Variants in ALCAM observed in about 807,000 individuals in gnomAD.
The protein encoded by ALCAM is CD166 antigen.
A neutral mutation model predicts 70.9 loss-of-function variants in ALCAM; 30 were observed. The ratio of observed to expected loss-of-function variants is 0.42; its 90% CI spans 0.32 to 0.57. ALCAM has a LOEUF of 0.57. Ranked by LOEUF, ALCAM falls within the 20% of genes least tolerant of loss-of-function variation. The pLI, the probability that ALCAM is intolerant of heterozygous loss-of-function variation, is 0.11. For synonymous variants in ALCAM, 249 were observed against 242.5 expected (o/e 1.03, Z -0.25); for missense variants, 591 against 695.1 (o/e 0.85, Z 1.68).
chr3:105,418,820 C>A (rs552462447), intron 1 of ALCAM, among the ~76,000 whole-genome samples: 5 of 151,516 alleles, frequency 3.3e-5, no homozygotes, highest in Non-Finnish European at 7.4e-5. Context: ...CAGATATTCA[C>A]TGTAGAAAAA....
At chr3:105,383,052 G>A (rs1056393564) in intron 1 of ALCAM, among the ~76,000 whole-genome samples, 2 of 151,512 alleles carry the variant, frequency 1.3e-5, no homozygotes, top group African/African-American at 4.8e-5. Flanking sequence ...TGTTATTCAC[G>A]TCTCTGTCTT....
chr3:105,480,223 G>GC (rs1366555180), intron 1 of ALCAM, among the ~76,000 whole-genome samples: 1 of 152,022 alleles, frequency 6.6e-6, no homozygotes, highest in Non-Finnish European at 1.5e-5. Flanking sequence ...GGTGGCACGT[G>GC]CCTATAATCC....
chr3:105,444,518 A>G (rs1438787438), intron 1 of ALCAM, among the ~76,000 whole-genome samples: 2 of 152,152 alleles, frequency 1.3e-5, no homozygotes, highest in African/African-American at 4.8e-5. Flanking sequence ...TACAATTTGC[A>G]GTGAGATTTG....
chr3:105,503,211 G>A (rs944819929), intron 1 of ALCAM, among the ~76,000 whole-genome samples: 2 of 152,174 alleles, frequency 1.3e-5, no homozygotes, highest in Non-Finnish European at 2.9e-5. Context: ...GTTAATATTT[G>A]CTTTGGACTC....
At chr3:105,569,967 A>G (rs1219088190) in intron 14 of ALCAM, among the ~76,000 whole-genome samples, 1 of 152,170 alleles carries the variant, frequency 6.6e-6, no homozygotes, top group African/African-American at 2.4e-5. Flanking sequence ...CTAAAATTGC[A>G]GTGGGGCTCC....
intron 14 of ALCAM, 114 bp downstream of exon 14, chr3:105,552,699 T>A: frequency 6.4e-7 from 1 of 1,558,616 alleles, no homozygotes; most frequent in Non-Finnish European, 8.7e-7. Context: ...AAGGAAGATG[T>A]ATCCCCAAAT....
At chr3:105,529,771 G>T (rs964411502) in intron 3 of ALCAM, among the ~76,000 whole-genome samples, 1 of 152,036 alleles carries the variant, frequency 6.6e-6, no homozygotes, top group Non-Finnish European at 1.5e-5. Context: ...ATGAGTAAAG[G>T]ACCAAACACT....
chr3:105,385,543 T>C (rs1267691825), intron 1 of ALCAM, among the ~76,000 whole-genome samples: 1 of 151,716 alleles, frequency 6.6e-6, no homozygotes, highest in African/African-American at 2.4e-5. Context: ...TAATTGATAA[T>C]ACATTCTAGT....
chr3:105,498,619 G>A (rs1016561163), intron 1 of ALCAM, among the ~76,000 whole-genome samples: 9 of 152,070 alleles, frequency 5.9e-5, no homozygotes, highest in Admixed American at 4.6e-4. Context: ...AAAGATTCCA[G>A]GAGTGTTCTG....
chr3:105,534,159 A>G (rs1576226895), intron 5 of ALCAM, among the ~76,000 whole-genome samples: 2 of 152,262 alleles, frequency 1.3e-5, no homozygotes, highest in East Asian at 3.9e-4. Flanking sequence ...TCAGTCAGTA[A>G]TGTGAGCCAT....
intron 1 of ALCAM, among the ~76,000 whole-genome samples, chr3:105,477,603 A>G (rs1165045531): frequency 6.6e-6 from 1 of 151,964 alleles, no homozygotes; most frequent in Non-Finnish European, 1.5e-5. Flanking sequence ...CTTGGGATTT[A>G]CTGAACTTCT....
chr3:105,533,671 G>A lies in ALCAM; in HGVS notation c.528G>A (p.Val176=). The A allele has an allele frequency of 6.2e-7, 1 of 1,611,604 alleles. No homozygotes were observed. The highest frequency in any genetic ancestry group is 8.5e-7 in the Non-Finnish European group (1 of 1,178,264). ...GNITWYRNGK[V]LHPLEGAVVI... Reference sequence around the variant, plus strand: ...TCACATGGTACAGGAATGGAAAAGTGCTACATCCCCTTGAAGGAGGTGGGT... The same window carrying A: ...TCACATGGTACAGGAATGGAAAAGTACTACATCCCCTTGAAGGAGGTGGGT... Residue 176 remains valine (V), a synonymous_variant, in exon 5 of 16, where the codon GTG becomes GTA. Coordinates refer to ENST00000306107, the MANE Select transcript of ALCAM (RefSeq NM_001627.4).
chr3:105,494,093 C>T (rs955219166), intron 1 of ALCAM, among the ~76,000 whole-genome samples: 3 of 152,026 alleles, frequency 2.0e-5, no homozygotes, highest in Admixed American at 6.5e-5. Flanking sequence ...TTTCCTCTAC[C>T]GTAGAATGAA....
intron 1 of ALCAM, among the ~76,000 whole-genome samples, chr3:105,420,249 T>C (rs942454141): frequency 3.3e-5 from 5 of 151,708 alleles, no homozygotes; most frequent in Non-Finnish European, 5.9e-5. Context: ...TTTATCCCTG[T>C]CTTCTACACC....
intron 1 of ALCAM, among the ~76,000 whole-genome samples, chr3:105,474,035 C>T (rs1938024480): frequency 6.6e-6 from 1 of 151,552 alleles, no homozygotes; most frequent in African/African-American, 2.4e-5. Context: ...CCTGTGGTTC[C>T]ATCAGTGCCT....
At chr3:105,373,904 A>G (rs1196738698) in intron 1 of ALCAM, among the ~76,000 whole-genome samples, 1 of 152,258 alleles carries the variant, frequency 6.6e-6, no homozygotes, top group East Asian at 1.9e-4. Context: ...AGTTGAGGAT[A>G]TAATATTCCT....
At chr3:105,544,153 TC>T (rs1940186710) in intron 8 of ALCAM, among the ~76,000 whole-genome samples, 1 of 151,602 alleles carries the variant, frequency 6.6e-6, no homozygotes, top group South Asian at 2.1e-4. Context: ...GCAAGCATGG[TC>T]CTCTTCAGTC....
In ALCAM at chr3:105,547,353, C is replaced by A. The variant is rs199603256; in HGVS notation, c.1241-37C>A. 2.7e-5 allele frequency: 42 copies of A among 1,582,246 alleles called. No individual in the cohort carries two copies. The African/African-American group carries it at 2.9e-4, about 11-fold the overall frequency. On this transcript the variant is annotated intron_variant, in intron 10 of 15. Transcript: ENST00000306107. ...TTTTTTACCTGGTTTCTTTTATGATCTCAGTTCAACATCTTATTTTAATTG... is the reference window on the plus strand; with the variant it reads ...TTTTTTACCTGGTTTCTTTTATGATATCAGTTCAACATCTTATTTTAATTG...
At chr3:105,555,309 A>G (rs1940492533) in intron 14 of ALCAM, among the ~76,000 whole-genome samples, 1 of 152,032 alleles carries the variant, frequency 6.6e-6, no homozygotes, top group African/African-American at 2.4e-5. Flanking sequence ...AAAGTAATAA[A>G]TTGCAATTCT....
Sources: gnomAD v4.1 joint callset for allele counts (sites outside exome capture counted in the v4.1 genomes callset) on GRCh38, gnomAD v4.1.1 for gene constraint, MANE v1.5 for transcripts, NCBI Gene and HGNC (gene_info 2026-07-23, HGNC 2026-07-21) for gene names.